Variants in LTBP2 observed in about 807,000 individuals in gnomAD.
LTBP2 encodes the protein latent-transforming growth factor beta-binding protein 2.
LTBP2 carries 103 observed loss-of-function variants against 210.6 expected under a neutral mutation model. The observed-to-expected ratio is 0.49, with a 90% CI of 0.42 to 0.58. The LOEUF (loss-of-function observed/expected upper bound fraction) is 0.58. Ranked by LOEUF, LTBP2 falls within the 20% of genes least tolerant of loss-of-function variation. LTBP2 has a pLI of 0.00. For synonymous variants in LTBP2, 1,007 were observed against 1,015.0 expected (o/e 0.99, Z 0.15); for missense variants, 2,313 against 2,494.5 (o/e 0.93, Z 1.55).
chr14:74,592,154 T>A (rs1595297086), intron 2 of LTBP2, among the ~76,000 whole-genome samples: 1 of 152,342 alleles, frequency 6.6e-6, no homozygotes, highest in South Asian at 2.1e-4. Flanking sequence ...CAAATGAGCA[T>A]GATTTCAAAA....
chr14:74,557,119 G>A (rs2087739872), intron 3 of LTBP2, among the ~76,000 whole-genome samples: 1 of 152,104 alleles, frequency 6.6e-6, no homozygotes, highest in Non-Finnish European at 1.5e-5. Context: ...AAAATTAGCT[G>A]GGTGTGGTGG....
At chr14:74,577,683 A>T (rs1042831091) in intron 3 of LTBP2, among the ~76,000 whole-genome samples, 1 of 151,566 alleles carries the variant, frequency 6.6e-6, no homozygotes, top group African/African-American at 2.4e-5. Flanking sequence ...TAATTTTTGT[A>T]TCTTTAGTAG....
At position 74,611,840 on chromosome 14, in the gene LTBP2, G is replaced by C; in HGVS notation, c.105C>G (p.Ala35=). The change falls in exon 1 of 36, where the codon GCC becomes GCG. Residue 35 remains alanine, a synonymous_variant. Coordinates refer to ENST00000261978, the MANE Select transcript of LTBP2 (RefSeq NM_000428.3). ...CGTATCTCCCTACGGGGTCCCTTTG[G>C]GCATGACCCGCGCCCACGAAGAGAG... ...TLALFVGAGH[A]QRDPVGRYEP... 6.2e-7 allele frequency: 1 copy of C among 1,611,466 alleles called. No homozygotes were observed. The highest frequency in any genetic ancestry group is 8.5e-7 in the Non-Finnish European group (1 of 1,179,624).
intron 34 of LTBP2, 84 bp downstream of exon 34, chr14:74,502,569 T>C (rs752461610): frequency 2.5e-6 from 4 of 1,589,450 alleles, no homozygotes; most frequent in Non-Finnish European, 3.5e-6. Context: ...CTCACCCTGC[T>C]GGCAATATGA....
intron 3 of LTBP2, among the ~76,000 whole-genome samples, chr14:74,561,787 G>T (rs2087797194): frequency 6.6e-6 from 1 of 152,192 alleles, no homozygotes; most frequent in Non-Finnish European, 1.5e-5. Context: ...GATGGACTGT[G>T]TTGGAGAGCA....
At chr14:74,596,296 G>C (rs2088362880) in intron 2 of LTBP2, among the ~76,000 whole-genome samples, 1 of 152,012 alleles carries the variant, frequency 6.6e-6, no homozygotes, top group Admixed American at 6.6e-5. Flanking sequence ...AGCAGAACTT[G>C]GTACGTGAGG....
At chr14:74,515,471 A>C (rs1270920181) in intron 18 of LTBP2, among the ~76,000 whole-genome samples, 1 of 152,018 alleles carries the variant, frequency 6.6e-6, no homozygotes, top group Non-Finnish European at 1.5e-5. Flanking sequence ...TGGCCAGGCT[A>C]GTCTTGAACT....
rs770851021 is a variant in LTBP2 at position 74,506,689 on chromosome 14, G to A, written c.4033+9C>T. ...GGCCCAGACCTTGGGTAGCCCACAG[G>A]CTCCTCACCCACACAGTCCCAGCCT... On this transcript the variant is annotated intron_variant, in intron 27 of 35. Transcript: ENST00000261978. 1.1e-5 allele frequency: 17 copies of A among 1,612,914 alleles called. 1 individual carries two copies. In the Admixed American group the frequency reaches 2.8e-4, roughly 27 times the overall value.
intron 3 of LTBP2, among the ~76,000 whole-genome samples, chr14:74,582,327 A>C (rs1023303565): frequency 6.6e-6 from 1 of 151,464 alleles, no homozygotes; most frequent in East Asian, 2.0e-4. Context: ...ACTGAGGCTG[A>C]GTCTGGGCTC....
At chr14:74,556,279 G>A (rs1384668650) in intron 3 of LTBP2, among the ~76,000 whole-genome samples, 2 of 152,110 alleles carry the variant, frequency 1.3e-5, no homozygotes, top group Non-Finnish European at 2.9e-5. Context: ...TCCTAACACA[G>A]CAACTACTTT....
In LTBP2 at chr14:74,499,588, CAG is replaced by C; in HGVS notation, c.*1294_*1295del. 4.4e-6 allele frequency: 1 copy of C among 228,126 alleles called. No individual in the cohort carries two copies. The highest frequency in any genetic ancestry group is 1.3e-3 in the Middle Eastern group (1 of 746). The allele number at this position is 228,126 out of a possible 1,614,324, so 14.1% of individuals were successfully genotyped here. On this transcript the variant is annotated 3_prime_UTR_variant, in exon 36 of 36. Coordinates refer to ENST00000261978, the MANE Select transcript of LTBP2 (RefSeq NM_000428.3). ...GCCATTCATCAGAGAAGTACGAAGT[CAG>C]AGCTTTCCTTGTCTTTTAATAGTAA...
intron 3 of LTBP2, among the ~76,000 whole-genome samples, chr14:74,566,083 A>AT (rs1234624200): frequency 2.0e-5 from 3 of 151,348 alleles, no homozygotes; most frequent in East Asian, 1.9e-4. Flanking sequence ...TTTTTTTTTA[A>AT]TTTTTTTTAT....
intron 3 of LTBP2, among the ~76,000 whole-genome samples, chr14:74,558,214 A>T (rs2139755628): frequency 6.6e-6 from 1 of 152,314 alleles, no homozygotes; most frequent in South Asian, 2.1e-4. Context: ...AGCCTGACCA[A>T]CAGAGAGACA....
intron 3 of LTBP2, among the ~76,000 whole-genome samples, chr14:74,566,035 G>A (rs755968459): frequency 1.3e-5 from 2 of 151,578 alleles, no homozygotes; most frequent in East Asian, 1.9e-4. Context: ...CACAGTTTGC[G>A]CTTTTCACGG....
At position 74,611,454 on chromosome 14, in the gene LTBP2, G is replaced by T; in HGVS notation, c.491C>A (p.Thr164Lys). The T allele has an allele frequency of 6.7e-7, 1 of 1,489,972 alleles. No individual in the cohort carries two copies. Among genetic ancestry groups the T allele is most frequent in the Non-Finnish European group, 8.8e-7 (1 of 1,131,862 alleles). 92.3% of individuals were successfully genotyped at this position (1,489,972 alleles called of 1,614,324 possible). A position where few individuals can be genotyped will look rare whatever the true frequency, so the allele number is the denominator to read the frequency against. ...AACTTCCCTCTCCCATGCTCACCCC[G>T]TGAGCCGCCCTCGCGGCGGGGTTGG... is the stretch of plus-strand genomic sequence containing the variant. ...APPTPPRGRL[T>K]GRNVCGGQCC... Residue 164 changes from threonine (T) to lysine (K), a missense_variant, in exon 1 of 36, where the codon ACG becomes AAG. Physicochemically the swap from Thr to Lys is moderately conservative, Grantham distance 78 (BLOSUM62 -1). Transcript: ENST00000261978.
intron 8 of LTBP2, among the ~76,000 whole-genome samples, chr14:74,538,665 A>T (rs2087453126): frequency 6.6e-6 from 1 of 152,232 alleles, no homozygotes; most frequent in Non-Finnish European, 1.5e-5. Flanking sequence ...CAAGCATGAC[A>T]TGTGACAGCC....
chr14:74,564,844 C>G (rs1008912007), intron 3 of LTBP2, among the ~76,000 whole-genome samples: 5 of 152,158 alleles, frequency 3.3e-5, no homozygotes, highest in African/African-American at 1.2e-4. Context: ...GGGTTCTATG[C>G]CTTGCAGAAG....
chr14:74,502,539 T>C (rs552955346), intron 34 of LTBP2, 114 bp downstream of exon 34: 2 of 1,466,398 alleles, frequency 1.4e-6, no homozygotes, highest in South Asian at 2.3e-5. Context: ...TGGCTTGGTG[T>C]GTCTTTCCCC....
At chr14:74,533,567 C>T (rs1331607153) in intron 9 of LTBP2, among the ~76,000 whole-genome samples, 6 of 152,154 alleles carry the variant, frequency 3.9e-5, no homozygotes, top group African/African-American at 1.2e-4. Flanking sequence ...TGGAGGAAGG[C>T]ACTGAAGGGG....
Sources: allele counts gnomAD v4.1 joint callset (sites outside exome capture counted in the v4.1 genomes callset), GRCh38; gene constraint gnomAD v4.1.1; transcripts MANE v1.5; gene names NCBI Gene and HGNC (gene_info 2026-07-23, HGNC 2026-07-21).